Variants in PTGER4 observed in about 807,000 individuals in gnomAD.
PTGER4 encodes prostaglandin E2 receptor EP4 subtype.
A neutral mutation model predicts 33.2 loss-of-function variants in PTGER4; 11 were observed. The ratio of observed to expected loss-of-function variants is 0.33; its 90% CI spans 0.21 to 0.55. The LOEUF (loss-of-function observed/expected upper bound fraction) is 0.55, where lower values mean the gene tolerates loss of function less well. Ranked by LOEUF, PTGER4 falls within the 20% of genes least tolerant of loss-of-function variation. The pLI is 0.92. For synonymous variants in PTGER4, 275 were observed against 281.5 expected, an observed-to-expected ratio of 0.98 and a Z score of 0.23; for missense variants, 481 against 650.2, an observed-to-expected ratio of 0.74 and a Z score of 2.83.
At chr5:40,725,183 T>G in the PTGER4 span, among the ~76,000 whole-genome samples, 1 of 150,566 alleles carries the variant, frequency 6.6e-6, no homozygotes, top group East Asian at 1.9e-4. Context: ...ATATAGGATC[T>G]TGCCATGCTA....
the PTGER4 span, among the ~76,000 whole-genome samples, chr5:40,722,623 C>T: frequency 1.1e-4 from 16 of 151,002 alleles, no homozygotes; most frequent in African/African-American, 1.7e-4. Flanking sequence ...GGAGCCCCTC[C>T]GCCCAGCAGC....
intron 2 of PTGER4, among the ~76,000 whole-genome samples, chr5:40,687,709 T>G (rs984933297): frequency 6.6e-6 from 1 of 152,230 alleles, no homozygotes; most frequent in Non-Finnish European, 1.5e-5. Context: ...ATTGATTCTT[T>G]TCAATCTAAC....
At chr5:40,743,321 A>G in the PTGER4 span, among the ~76,000 whole-genome samples, 1 of 152,222 alleles carries the variant, frequency 6.6e-6, no homozygotes, top group Non-Finnish European at 1.5e-5. Context: ...TATAATAACT[A>G]TGTTCAAAAA....
the PTGER4 span, chr5:40,716,048 A>G: frequency 1.0e-6 from 1 of 1,003,756 alleles, no homozygotes; most frequent in Non-Finnish European, 1.4e-6. Context: ...TTTTACAACC[A>G]GGCGTTCTCC....
At chr5:40,717,439 T>C in the PTGER4 span, among the ~76,000 whole-genome samples, 627 of 152,248 alleles carry the variant, frequency 4.1e-3, 2 homozygotes, top group African/African-American at 0.014. Context: ...TATATTATAC[T>C]GCTTAGTCAC....
intron 2 of PTGER4, among the ~76,000 whole-genome samples, chr5:40,687,798 T>G (rs949734985): frequency 6.6e-5 from 10 of 152,208 alleles, no homozygotes; most frequent in African/African-American, 2.4e-4. Context: ...TGAACTCCCC[T>G]TTATTGAAAA....
the PTGER4 span, among the ~76,000 whole-genome samples, chr5:40,743,759 G>C: frequency 6.6e-6 from 1 of 152,092 alleles, no homozygotes; most frequent in Non-Finnish European, 1.5e-5. Flanking sequence ...GGGCAACAGT[G>C]CAAGACTCCA....
intron 2 of PTGER4, among the ~76,000 whole-genome samples, chr5:40,687,696 C>T (rs1380767573): frequency 6.6e-6 from 1 of 152,182 alleles, no homozygotes; most frequent in African/African-American, 2.4e-5. Context: ...AAGTAAAACT[C>T]ATATTGATTC....
At chr5:40,738,552 T>TA in the PTGER4 span, among the ~76,000 whole-genome samples, 2 of 112,676 alleles carry the variant, frequency 1.8e-5, no homozygotes, top group Non-Finnish European at 4.0e-5. Context: ...TAAAATAAAA[T>TA]AAAATAAAAT....
the PTGER4 span, among the ~76,000 whole-genome samples, chr5:40,741,435 CA>C: frequency 6.6e-6 from 1 of 152,192 alleles, no homozygotes; most frequent in African/African-American, 2.4e-5. Context: ...TACAACTTCT[CA>C]GTCATTTTCC....
chr5:40,709,848 G>T, the PTGER4 span, among the ~76,000 whole-genome samples: 18 of 152,228 alleles, frequency 1.2e-4, no homozygotes, highest in South Asian at 2.1e-4. Flanking sequence ...ACAGACCAAT[G>T]GTGCTGGGAA....
chr5:40,713,601 C>A, the PTGER4 span, among the ~76,000 whole-genome samples: 1 of 152,030 alleles, frequency 6.6e-6, no homozygotes, highest in Admixed American at 6.6e-5. Flanking sequence ...AACCAAACAG[C>A]CTGTTTTCTA....
intron 2 of PTGER4, among the ~76,000 whole-genome samples, chr5:40,690,636 C>G (rs1741444402): frequency 6.6e-6 from 1 of 152,198 alleles, no homozygotes; most frequent in Non-Finnish European, 1.5e-5. Context: ...ACAGGAGATC[C>G]TGCTGTTGGT....
chr5:40,695,177 A>G (rs1741562353), downstream of PTGER4, among the ~76,000 whole-genome samples: 3 of 152,306 alleles, frequency 2.0e-5, no homozygotes, highest in African/African-American at 7.2e-5. Context: ...TTGGGAGGCC[A>G]AGGCAGTGGA....
At chr5:40,731,998 G>C in the PTGER4 span, among the ~76,000 whole-genome samples, 2 of 152,180 alleles carry the variant, frequency 1.3e-5, no homozygotes, top group Non-Finnish European at 2.9e-5. Context: ...CTCAAAGTAA[G>C]TGAATATAAA....
rs1482460100 is a variant in PTGER4 at position 40,693,249 on chromosome 5, T to C, written c.*871T>C. On this transcript the variant is annotated 3_prime_UTR_variant, in exon 3 of 3. Coordinates refer to ENST00000302472, the MANE Select transcript of PTGER4 (RefSeq NM_000958.3). Reference sequence around the variant, plus strand: ...CTTTTTCCCTCACTAATTGGTACTTTTAAAAACATAACATAAATTTTTTGA... The same window carrying C: ...CTTTTTCCCTCACTAATTGGTACTTCTAAAAACATAACATAAATTTTTTGA... The C allele has an allele frequency of 3.1e-6, 3 of 983,114 alleles. No individual in the cohort carries two copies. The highest frequency in any genetic ancestry group is 6.1e-5 in the Admixed American group (1 of 16,284). 60.9% of individuals were successfully genotyped at this position (983,114 alleles called of 1,614,324 possible). A position where few individuals can be genotyped will look rare whatever the true frequency, so the allele number is the denominator to read the frequency against.
At chr5:40,742,254 A>G in the PTGER4 span, among the ~76,000 whole-genome samples, 3 of 152,174 alleles carry the variant, frequency 2.0e-5, no homozygotes, top group African/African-American at 7.2e-5. Context: ...TAAGAACCCC[A>G]TGAGGCAATT....
chr5:40,680,700 A>C lies in PTGER4; in HGVS notation c.-44+222A>C, dbSNP rs1365165748. ...TCATCTTGGCAATGGAGTGAGTTGG[A>C]TTGTGGGGAGGAAGAGGAATGGGAA... On this transcript the variant is annotated intron_variant, in intron 1 of 2. Transcript: ENST00000302472. This position sits in a 1 kb window ranked among gnomAD's most constrained non-coding sequence, Gnocchi z 5.5. 6.6e-6 allele frequency among the ~76,000 whole-genome samples: 1 copy of C among 152,144 alleles called. No individual in the cohort carries two copies. The highest frequency in any genetic ancestry group is 2.4e-5 in the African/African-American group (1 of 41,414).
the PTGER4 span, among the ~76,000 whole-genome samples, chr5:40,723,437 T>TA: frequency 1.4e-5 from 2 of 147,446 alleles, no homozygotes; most frequent in East Asian, 2.0e-4. Flanking sequence ...CAATAAATAC[T>TA]AAAAAAATTT....
Sources: allele counts gnomAD v4.1 joint callset (sites outside exome capture counted in the v4.1 genomes callset), GRCh38; gene constraint gnomAD v4.1.1; non-coding constraint Gnocchi (gnomAD v3.1); transcripts MANE v1.5; gene names NCBI Gene and HGNC (gene_info 2026-07-23, HGNC 2026-07-21).